The following ENTREP2 variants were observed in gnomAD, a reference collection of about 807,000 sequenced individuals.
The protein encoded by ENTREP2 is endosomal transmembrane epsin interactor 2, also known as protein ENTREP2.
chr15:29,324,845 C>A, the ENTREP2 span, among the ~76,000 whole-genome samples: 10 of 152,254 alleles, frequency 6.6e-5, no homozygotes, highest in East Asian at 1.5e-3. Context: ...GTAATTGATA[C>A]ATCATCAACA....
chr15:29,540,900 A>G, the ENTREP2 span, among the ~76,000 whole-genome samples: 1 of 152,244 alleles, frequency 6.6e-6, no homozygotes, highest in Non-Finnish European at 1.5e-5. Flanking sequence ...AGTTAGTCCT[A>G]TAGCCTTGAG....
At chr15:29,179,732 C>T in the ENTREP2 span, among the ~76,000 whole-genome samples, 1 of 146,034 alleles carries the variant, frequency 6.8e-6, no homozygotes, top group East Asian at 2.0e-4. Flanking sequence ...AGGCGCCCGC[C>T]ATCACGCCCG....
the ENTREP2 span, among the ~76,000 whole-genome samples, chr15:29,370,741 C>T: frequency 6.6e-6 from 1 of 152,050 alleles, no homozygotes; most frequent in Non-Finnish European, 1.5e-5. Context: ...GAAGTGCAGG[C>T]AGGATAAGGA....
At chr15:29,272,172 G>C in the ENTREP2 span, among the ~76,000 whole-genome samples, 1 of 152,162 alleles carries the variant, frequency 6.6e-6, no homozygotes, top group Admixed American at 6.5e-5. Context: ...AGAAAATGCA[G>C]ACATAAAATA....
the ENTREP2 span, among the ~76,000 whole-genome samples, chr15:29,346,079 G>A: frequency 2.0e-5 from 3 of 152,180 alleles, no homozygotes; most frequent in Admixed American, 6.5e-5. Context: ...CCCGCTCGGC[G>A]AACGAGCTCC....
At chr15:29,522,832 CG>C in the ENTREP2 span, among the ~76,000 whole-genome samples, 2 of 152,074 alleles carry the variant, frequency 1.3e-5, no homozygotes, top group Non-Finnish European at 2.9e-5. Flanking sequence ...TCTTTAGCCT[CG>C]GGGCATTTGC....
the ENTREP2 span, among the ~76,000 whole-genome samples, chr15:29,495,624 G>T: frequency 1.1e-4 from 16 of 151,808 alleles, no homozygotes; most frequent in Non-Finnish European, 1.6e-4. Flanking sequence ...TTTTTTGCAT[G>T]AGGATATCCA....
chr15:29,609,972 T>C, the ENTREP2 span: 2 of 150,438 alleles, frequency 1.3e-5, no homozygotes, highest in African/African-American at 4.9e-5. Flanking sequence ...AAGCACAACT[T>C]TGGGGCTCCT....
the ENTREP2 span, chr15:29,570,422 T>C: frequency 2.2e-6 from 2 of 897,910 alleles, no homozygotes; most frequent in Non-Finnish European, 2.8e-6. Flanking sequence ...CCGCCCGCGG[T>C]GGCGTCCCGG....
the ENTREP2 span, among the ~76,000 whole-genome samples, chr15:29,657,110 C>G: frequency 2.0e-5 from 3 of 152,102 alleles, no homozygotes; most frequent in Non-Finnish European, 4.4e-5. Flanking sequence ...GGCAGTGGCG[C>G]GGTCTTGGCT....
At chr15:29,400,820 G>C in the ENTREP2 span, among the ~76,000 whole-genome samples, 1 of 152,236 alleles carries the variant, frequency 6.6e-6, no homozygotes, top group African/African-American at 2.4e-5. Context: ...ATCTGCATTA[G>C]AAGAACAAGT....
chr15:29,650,720 C>G, the ENTREP2 span, among the ~76,000 whole-genome samples: 10 of 152,162 alleles, frequency 6.6e-5, no homozygotes, highest in African/African-American at 2.4e-4. Context: ...ATCCCAGCTA[C>G]TCGGGAGCTT....
chr15:29,498,602 T>C, the ENTREP2 span, among the ~76,000 whole-genome samples: 1,000 of 152,312 alleles, frequency 6.6e-3, 5 homozygotes, highest in African/African-American at 0.023. Flanking sequence ...CCATGTATAC[T>C]TTAGAAGAAT....
chr15:29,562,398 G>A, the ENTREP2 span, among the ~76,000 whole-genome samples: 1 of 152,170 alleles, frequency 6.6e-6, no homozygotes, highest in Admixed American at 6.5e-5. Context: ...TAGGGGTGAA[G>A]CAACATCATG....
At chr15:29,453,436 A>G in the ENTREP2 span, among the ~76,000 whole-genome samples, 19 of 152,172 alleles carry the variant, frequency 1.2e-4, no homozygotes, top group Non-Finnish European at 2.1e-4. Flanking sequence ...AATACAATAA[A>G]TATCTACTGC....
chr15:29,249,637 A>T, the ENTREP2 span, among the ~76,000 whole-genome samples: 1 of 152,256 alleles, frequency 6.6e-6, no homozygotes, highest in South Asian at 2.1e-4. Flanking sequence ...CATACCTTTT[A>T]TGTGTTGTAT....
At chr15:29,481,435 G>A in the ENTREP2 span, among the ~76,000 whole-genome samples, 1 of 151,880 alleles carries the variant, frequency 6.6e-6, no homozygotes, top group African/African-American at 2.4e-5. Flanking sequence ...CAACCCTCCC[G>A]CTCTCAAGTA....
chr15:29,151,963 G>T, the ENTREP2 span: 1 of 728,570 alleles, frequency 1.4e-6, no homozygotes. Flanking sequence ...TGGAGGTTTT[G>T]TTTTGTGTGT....
At chr15:29,343,027 T>TGGCGG in the ENTREP2 span, among the ~76,000 whole-genome samples, 2 of 130,990 alleles carry the variant, frequency 1.5e-5, no homozygotes, top group East Asian at 2.5e-4. Flanking sequence ...TAAAAAGGAA[T>TGGCGG]GGGGGGGGTG....
Sources: gnomAD v4.1 joint callset for allele counts (sites outside exome capture counted in the v4.1 genomes callset) on GRCh38, gnomAD v4.1.1 for gene constraint, MANE v1.5 for transcripts, NCBI Gene and HGNC (gene_info 2026-07-23, HGNC 2026-07-21) for gene names.